FBXO17: variants seen among roughly 807,000 people sequenced by gnomAD.
The protein encoded by FBXO17 is F-box only protein 17.
Under a neutral mutation model 34.1 loss-of-function variants are expected in FBXO17, and 43 were observed. The observed-to-expected ratio is 1.26, with a 90% CI of 0.99 to 1.62. The LOEUF is 1.62. Ranked by LOEUF, FBXO17 falls within the 40% of genes most tolerant of loss-of-function variation. The pLI is 0.00. For synonymous variants in FBXO17, 169 were observed against 166.0 expected (o/e 1.02, Z -0.14); for missense variants, 424 against 386.7 (o/e 1.10, Z -0.81).
chr19:38,973,333 C>T (rs564499687), intron 1 of FBXO17, among the ~76,000 whole-genome samples: 1 of 152,170 alleles, frequency 6.6e-6, no homozygotes, highest in African/African-American at 2.4e-5. Flanking sequence ...CGAGATTGTG[C>T]CACTGCACTC....
Position 38,942,260 on chromosome 19 carries a change from CTT to C in FBXO17, c.*346_*347del, listed in dbSNP as rs35798218. The C allele has an allele frequency of 7.7e-4, 101 of 131,888 alleles. No individual in the cohort carries two copies. Among genetic ancestry groups the C allele is most frequent in the African/African-American group, 9.4e-4 (32 of 34,162 alleles). The allele number at this position is 131,888 out of a possible 1,614,324, so 8.2% of individuals were successfully genotyped here. A position where few individuals can be genotyped will look rare whatever the true frequency, so the allele number is the denominator to read the frequency against. On this transcript the variant is annotated 3_prime_UTR_variant, in exon 6 of 6. Transcript: ENST00000292852. Reference sequence around the variant, plus strand: ...TCTGGCTTCTGGCTGCAAAGCTGGTCTTTTTTTTTTTTTTTTTCATTGATATA... The same window carrying C: ...TCTGGCTTCTGGCTGCAAAGCTGGTCTTTTTTTTTTTTTTTCATTGATATA...
chr19:38,946,287 G>C (rs1055524598), intron 4 of FBXO17, 185 bp downstream of exon 4: 3 of 1,028,882 alleles, frequency 2.9e-6, no homozygotes, highest in Non-Finnish European at 4.1e-6. Context: ...GCAGAGTGGG[G>C]GCTCTGGCTT....
chr19:38,946,543 C>A lies in FBXO17; in HGVS notation c.486G>T (p.Val162=). 6.2e-7 allele frequency: 1 copy of A among 1,614,054 alleles called. No individual in the cohort carries two copies. The highest frequency in any genetic ancestry group is 1.3e-5 in the African/African-American group (1 of 75,026). ...SFEWCSKRQL[V]DLVMEGVWQE... is the part of the protein sequence containing the mutation. Reference sequence around the variant, plus strand: ...GCCACACCCCTTCCATCACCAGGTCCACAAGCTGCCTCTTGGAGCACCATC... The same window carrying A: ...GCCACACCCCTTCCATCACCAGGTCAACAAGCTGCCTCTTGGAGCACCATC... Residue 162 remains valine (V), a synonymous_variant, in exon 4 of 6, where the codon GTG becomes GTT. Transcript: ENST00000292852.
intron 1 of FBXO17, among the ~76,000 whole-genome samples, chr19:38,960,852 G>A (rs2144833435): frequency 6.7e-6 from 1 of 149,856 alleles, no homozygotes; most frequent in Admixed American, 6.7e-5. Context: ...TGTCGCCCAG[G>A]CTGGAGTGCA....
At chr19:38,945,219 C>G in intron 4 of FBXO17, 115 bp from the exon 5 acceptor site, 1 of 1,370,786 alleles carries the variant, frequency 7.3e-7, no homozygotes, top group Non-Finnish European at 1.0e-6. Context: ...ATCTGGACCA[C>G]ATTTGGAGAC....
At chr19:38,949,817 C>CTACCGCCCACCGGGG in intron 2 of FBXO17, 154 bp downstream of exon 2, 1 of 954,772 alleles carries the variant, frequency 1.0e-6, no homozygotes, top group South Asian at 1.8e-5. Context: ...GCCCACCGGG[C>CTACCGCCCACCGGGG]CTACCGCCCA....
At chr19:38,948,370 T>C (rs1343523500) in intron 3 of FBXO17, among the ~76,000 whole-genome samples, 197 bp downstream of exon 3, 2 of 152,234 alleles carry the variant, frequency 1.3e-5, no homozygotes, top group African/African-American at 4.8e-5. Context: ...TTGCTAACCT[T>C]CCTGATCTTT....
intron 1 of FBXO17, among the ~76,000 whole-genome samples, chr19:38,964,639 C>T (rs12977030): frequency 0.31 from 47,676 of 151,656 alleles, 8,318 homozygotes; most frequent in East Asian, 0.48. Context: ...TGGTTGCAAG[C>T]GCCTGTAGTC....
At chr19:38,974,596 TCTC>T (rs1568448022) in intron 1 of FBXO17, among the ~76,000 whole-genome samples, 1 of 152,106 alleles carries the variant, frequency 6.6e-6, no homozygotes, top group Non-Finnish European at 1.5e-5. Flanking sequence ...ATCAAAGTTG[TCTC>T]CTATTTTTAG....
chr19:38,961,658 T>G (rs74364345), intron 1 of FBXO17, among the ~76,000 whole-genome samples: 60 of 26,946 alleles, frequency 2.2e-3, no homozygotes, highest in African/African-American at 7.8e-3. Flanking sequence ...ACTACTATTC[T>G]GTTTTGTTTT....
intron 4 of FBXO17, chr19:38,945,371 C>T: frequency 4.6e-6 from 2 of 432,924 alleles, no homozygotes; most frequent in South Asian, 5.1e-5. Flanking sequence ...GAGCCAGAGC[C>T]TGGGGGAGGA....
chr19:38,946,289 C>T, intron 4 of FBXO17, 183 bp downstream of exon 4: 1 of 1,056,354 alleles, frequency 9.5e-7, no homozygotes, highest in Non-Finnish European at 1.3e-6. Context: ...AGAGTGGGGG[C>T]TCTGGCTTCT....
At chr19:38,944,300 G>A (rs183115359) in intron 5 of FBXO17, among the ~76,000 whole-genome samples, 24 of 101,464 alleles carry the variant, frequency 2.4e-4, no homozygotes, top group African/African-American at 8.7e-4. Flanking sequence ...TAGCGTCTCA[G>A]TCTGTTGCCC....
intron 1 of FBXO17, among the ~76,000 whole-genome samples, chr19:38,955,913 ATGAG>A (rs1349864344): frequency 6.6e-6 from 1 of 152,058 alleles, no homozygotes; most frequent in African/African-American, 2.4e-5. Flanking sequence ...TGAGGATGAA[ATGAG>A]TATTTTAAAG....
At chr19:38,948,460 G>C (rs1019800120) in intron 3 of FBXO17, 107 bp downstream of exon 3, 27 of 752,926 alleles carry the variant, frequency 3.6e-5, no homozygotes, top group Non-Finnish European at 5.9e-5. Context: ...ATAAATAAAT[G>C]GGGGAAGGAG....
rs1008762615 is a variant in FBXO17 at position 38,941,761 on chromosome 19, C to T, written c.*847G>A. 5.3e-5 allele frequency: 8 copies of T among 152,192 alleles called. No homozygotes were observed. Among genetic ancestry groups the T allele is most frequent in the African/African-American group, 1.9e-4 (8 of 41,452 alleles). 9.4% of individuals were successfully genotyped at this position (152,192 alleles called of 1,614,324 possible). A position where few individuals can be genotyped will look rare whatever the true frequency, so the allele number is the denominator to read the frequency against. On this transcript the variant is annotated 3_prime_UTR_variant, in exon 6 of 6. Transcript: ENST00000292852. ...GGTCATGGCCATCACAAACATGTCA[C>T]AGTGCTGCAGATATTTTGTTTATGG...
At chr19:38,961,949 C>T (rs1975256255) in intron 1 of FBXO17, among the ~76,000 whole-genome samples, 1 of 152,126 alleles carries the variant, frequency 6.6e-6, no homozygotes, top group Admixed American at 6.6e-5. Context: ...AGGCGTGAGC[C>T]ACCGTGCCCG....
intron 1 of FBXO17, among the ~76,000 whole-genome samples, chr19:38,957,626 G>C (rs1004784696): frequency 6.6e-6 from 1 of 152,148 alleles, no homozygotes; most frequent in African/African-American, 2.4e-5. Context: ...TTACAGACTT[G>C]AGCCACTGCG....
intron 1 of FBXO17, among the ~76,000 whole-genome samples, chr19:38,966,796 CG>C (rs1975327222): frequency 6.6e-6 from 1 of 152,248 alleles, no homozygotes; most frequent in East Asian, 1.9e-4. Context: ...GCTTTACTTA[CG>C]GGTTTTCTTG....
Sources: gnomAD v4.1 joint callset for allele counts (sites outside exome capture counted in the v4.1 genomes callset) on GRCh38, gnomAD v4.1.1 for gene constraint, MANE v1.5 for transcripts, NCBI Gene and HGNC (gene_info 2026-07-23, HGNC 2026-07-21) for gene names.